CSMD2: variants seen among roughly 807,000 people sequenced by gnomAD.
CSMD2 encodes CUB and Sushi multiple domains 2, also known as CUB and sushi domain-containing protein 2.
A neutral mutation model predicts 398.5 loss-of-function variants in CSMD2; 130 were observed. The observed-to-expected ratio is 0.33, with a 90% CI of 0.28 to 0.38. The LOEUF is 0.38. Among genes scored for constraint, CSMD2 ranks in the 10% least tolerant of loss-of-function variants. The pLI is 1.00. For missense variants in CSMD2, 3,829 were observed against 4,764.9 expected, an observed-to-expected ratio of 0.80 and a Z score of 5.78; for synonymous variants, 1,828 against 1,908.5, an observed-to-expected ratio of 0.96 and a Z score of 1.10.
chr1:33,876,290 T>C (rs932807393), intron 5 of CSMD2, among the ~76,000 whole-genome samples: 5 of 152,180 alleles, frequency 3.3e-5, no homozygotes, highest in Non-Finnish European at 7.3e-5. Context: ...GGTCAAGAGA[T>C]AGAACACAGG....
At chr1:33,737,008 C>A (rs1366106215) in intron 15 of CSMD2, among the ~76,000 whole-genome samples, 1 of 152,152 alleles carries the variant, frequency 6.6e-6, no homozygotes, top group African/African-American at 2.4e-5. Flanking sequence ...GAAAGACCAC[C>A]GATTCACAAC....
intron 1 of CSMD2, among the ~76,000 whole-genome samples, chr1:34,153,830 C>A (rs751070061): frequency 3.3e-5 from 5 of 152,180 alleles, no homozygotes; most frequent in Non-Finnish European, 7.3e-5. Context: ...CCCCACCATG[C>A]TCTCTAGCTC....
chr1:33,820,273 C>A (rs12066051), intron 8 of CSMD2, among the ~76,000 whole-genome samples, 196 bp downstream of exon 8: 13 of 152,008 alleles, frequency 8.6e-5, no homozygotes, highest in Admixed American at 5.2e-4. Flanking sequence ...TCTCTCCCCC[C>A]ACTAAAGCAT....
chr1:33,675,810 A>G (rs1018731015), intron 25 of CSMD2, among the ~76,000 whole-genome samples: 37 of 152,388 alleles, frequency 2.4e-4, no homozygotes, highest in South Asian at 6.2e-4. Context: ...CAACATACGC[A>G]AATCAATAAA....
At chr1:33,748,035 G>C (rs569019519) in intron 13 of CSMD2, among the ~76,000 whole-genome samples, 1 of 152,290 alleles carries the variant, frequency 6.6e-6, no homozygotes, top group African/African-American at 2.4e-5. Context: ...CAGCTACCAA[G>C]AGGCATTTCT....
intron 3 of CSMD2, among the ~76,000 whole-genome samples, chr1:33,997,565 G>A (rs909482007): frequency 2.0e-5 from 3 of 152,124 alleles, no homozygotes; most frequent in Non-Finnish European, 4.4e-5. Flanking sequence ...CCTCCCACCA[G>A]GCAAATTCTT....
At chr1:33,973,601 C>T (rs1378718714) in intron 3 of CSMD2, among the ~76,000 whole-genome samples, 14 of 152,182 alleles carry the variant, frequency 9.2e-5, no homozygotes, top group Non-Finnish European at 4.4e-5. Flanking sequence ...GATGATTCTT[C>T]TCTTCTCTTT....
At chr1:33,731,258 A>C (rs1646708373) in intron 15 of CSMD2, among the ~76,000 whole-genome samples, 1 of 152,214 alleles carries the variant, frequency 6.6e-6, no homozygotes, top group Non-Finnish European at 1.5e-5. Flanking sequence ...CGGAGTAACC[A>C]AATAGTTGAT....
At chr1:34,165,641 C>T, upstream of CSMD2, 1 of 1,005,414 alleles carries the variant, frequency 9.9e-7, no homozygotes, top group South Asian at 1.4e-5. Context: ...CACGCACTCA[C>T]ACACACAGGC....
chr1:33,642,382 C>CA (rs1250108098), intron 29 of CSMD2, among the ~76,000 whole-genome samples: 7 of 145,548 alleles, frequency 4.8e-5, no homozygotes, highest in African/African-American at 1.8e-4. Flanking sequence ...AAAACAACAA[C>CA]AACAAACAAA....
chr1:33,818,860 T>C lies in CSMD2; in HGVS notation c.1324+853A>G, dbSNP rs150207806. Among the ~76,000 whole-genome samples the C allele has an allele frequency of 4.4e-3, 663 of 152,342 alleles. 4 individuals carry two copies. Among genetic ancestry groups the C allele is most frequent in the African/African-American group, 0.015 (637 of 41,572 alleles). On this transcript the variant is annotated intron_variant, in intron 9 of 70. Coordinates refer to ENST00000373381, the MANE Select transcript of CSMD2 (RefSeq NM_001281956.2). The stretch of plus-strand genomic sequence containing the variant: ...TTATTTTTCCTGGATCCTCTTACTC[T>C]GCATGAATTTTATCTTGATGCATAT...
At chr1:33,574,335 TTA>T (rs1386134297) in intron 49 of CSMD2, among the ~76,000 whole-genome samples, 2 of 152,184 alleles carry the variant, frequency 1.3e-5, no homozygotes, top group African/African-American at 2.4e-5. Context: ...AGGGTCGACA[TTA>T]TGTTTATAGG....
intron 53 of CSMD2, 96 bp downstream of exon 53, chr1:33,567,497 T>TATATATATATATATA (rs1553142128): frequency 1.4e-5 from 11 of 812,184 alleles, no homozygotes; most frequent in Non-Finnish European, 9.0e-6. Context: ...ATATATATAT[T>TATATATATATATATA]TAAAACAAAC....
rs377427378 is a variant in CSMD2, at chr1:33,858,280, G to T, written c.921-11284C>A. Among the ~76,000 whole-genome samples, 25 of 152,316 alleles carry T rather than the reference G, an allele frequency of 1.6e-4. No homozygotes were observed. The East Asian group carries it at 4.2e-3, about 26-fold the overall frequency. On this transcript the variant is annotated intron_variant, in intron 5 of 70. Coordinates refer to ENST00000373381, the MANE Select transcript of CSMD2 (RefSeq NM_001281956.2). ...CCAGAATGAGGATCAACCCAGATTA[G>T]AAAAGACTCACCTGAATCTTTTAAA...
At chr1:33,523,158 G>A (rs1654462459) in intron 67 of CSMD2, 149 bp downstream of exon 67, 2 of 530,952 alleles carry the variant, frequency 3.8e-6, no homozygotes, top group East Asian at 3.1e-5. Context: ...TAGCAGATGA[G>A]GATCCTCTTG....
intron 2 of CSMD2, among the ~76,000 whole-genome samples, chr1:34,087,055 C>T (rs957928540): frequency 5.9e-5 from 9 of 152,040 alleles, no homozygotes; most frequent in African/African-American, 2.2e-4. Context: ...GCAGGTCTTC[C>T]TAGTCAACAT....
At chr1:33,521,906 C>G (rs1030638597) in intron 67 of CSMD2, among the ~76,000 whole-genome samples, 2 of 152,148 alleles carry the variant, frequency 1.3e-5, no homozygotes, top group Non-Finnish European at 2.9e-5. Context: ...CTTCAGAACA[C>G]TTAATTTATA....
intron 28 of CSMD2, among the ~76,000 whole-genome samples, chr1:33,651,424 A>G (rs1239727605): frequency 2.0e-5 from 3 of 152,316 alleles, no homozygotes; most frequent in Admixed American, 1.3e-4. Context: ...CCAGACAGAG[A>G]TGCCCAACAT....
At chr1:34,082,318 C>T (rs575572186) in intron 2 of CSMD2, among the ~76,000 whole-genome samples, 14 of 151,086 alleles carry the variant, frequency 9.3e-5, no homozygotes, top group East Asian at 4.0e-4. Context: ...TCTGCCCGGC[C>T]GCCCCGTCTG....
Sources: allele counts gnomAD v4.1 joint callset (sites outside exome capture counted in the v4.1 genomes callset), GRCh38; gene constraint gnomAD v4.1.1; transcripts MANE v1.5; gene names NCBI Gene and HGNC (gene_info 2026-07-23, HGNC 2026-07-21).